FHIT: variants seen among roughly 807,000 people sequenced by gnomAD.
FHIT encodes fragile histidine triad diadenosine triphosphatase.
In FHIT, 19 loss-of-function variants were observed where a neutral mutation model predicts 17.9. That is an observed-to-expected ratio of 1.06 (90% CI 0.74 to 1.56). The LOEUF is 1.56. Among genes scored for constraint, FHIT ranks in the 40% most tolerant of loss-of-function variants. FHIT has a pLI of 0.00. For missense variants in FHIT, 248 were observed against 189.2 expected (o/e 1.31, Z -1.82); for synonymous variants, 81 against 69.7 (o/e 1.16, Z -0.81).
intron 7 of FHIT, among the ~76,000 whole-genome samples, chr3:59,947,654 G>T (rs1432258037): frequency 6.6e-6 from 1 of 152,090 alleles, no homozygotes; most frequent in Admixed American, 6.5e-5. Flanking sequence ...CCCTGGGGGG[G>T]CTGGTACCAG....
At chr3:60,823,041 A>T (rs1466738565) in intron 3 of FHIT, among the ~76,000 whole-genome samples, 1 of 152,188 alleles carries the variant, frequency 6.6e-6, no homozygotes, top group Non-Finnish European at 1.5e-5. Flanking sequence ...TGGTCAGCTC[A>T]ATGTAGTAAT....
At chr3:60,101,087 G>C (rs1704171370) in intron 5 of FHIT, among the ~76,000 whole-genome samples, 1 of 152,138 alleles carries the variant, frequency 6.6e-6, no homozygotes, top group Non-Finnish European at 1.5e-5. Context: ...CTGGGGAACA[G>C]GGCAGTATCT....
At chr3:60,510,051 T>G (rs1004550746) in intron 5 of FHIT, among the ~76,000 whole-genome samples, 2 of 152,330 alleles carry the variant, frequency 1.3e-5, no homozygotes, top group Middle Eastern at 6.8e-3. Flanking sequence ...TACTCTTATT[T>G]TGCCATCTTT....
At chr3:59,856,313 T>C (rs1022073018) in intron 8 of FHIT, among the ~76,000 whole-genome samples, 20 of 152,224 alleles carry the variant, frequency 1.3e-4, no homozygotes, top group African/African-American at 4.8e-5. Flanking sequence ...ATTAAGGTAA[T>C]TGTTAAAATT....
chr3:61,214,467 G>C (rs554947158), intron 1 of FHIT, among the ~76,000 whole-genome samples: 2 of 152,034 alleles, frequency 1.3e-5, no homozygotes, highest in Non-Finnish European at 2.9e-5. Flanking sequence ...GAAGAAGTTG[G>C]ATCTCTGAAT....
intron 3 of FHIT, among the ~76,000 whole-genome samples, chr3:61,037,492 G>A (rs942896253): frequency 1.3e-5 from 2 of 152,128 alleles, no homozygotes; most frequent in African/African-American, 4.8e-5. Flanking sequence ...TTAATTCCCA[G>A]CATATTAAAA....
At chr3:60,405,978 T>A (rs1701841774) in intron 5 of FHIT, among the ~76,000 whole-genome samples, 1 of 152,170 alleles carries the variant, frequency 6.6e-6, no homozygotes, top group African/African-American at 2.4e-5. Flanking sequence ...AGGCTTAAGA[T>A]AACAAATGTA....
chr3:60,626,204 G>A (rs2039281762), intron 4 of FHIT, among the ~76,000 whole-genome samples: 1 of 152,000 alleles, frequency 6.6e-6, no homozygotes, highest in African/African-American at 2.4e-5. Context: ...GCTATTCTCA[G>A]GATCCCTTGA....
At chr3:60,695,026 C>T (rs189375977) in intron 4 of FHIT, among the ~76,000 whole-genome samples, 2,116 of 152,008 alleles carry the variant, frequency 0.014, 25 homozygotes, top group Non-Finnish European at 0.019. Context: ...CAAACCTGCA[C>T]GTTGTGCACA....
chr3:60,155,373 G>A (rs1249550444), intron 5 of FHIT, among the ~76,000 whole-genome samples: 2 of 152,096 alleles, frequency 1.3e-5, no homozygotes, highest in African/African-American at 4.8e-5. Context: ...AGCAAAAACA[G>A]GACACTATTC....
At chr3:60,097,312 T>C (rs1364156759) in intron 5 of FHIT, among the ~76,000 whole-genome samples, 3 of 152,054 alleles carry the variant, frequency 2.0e-5, no homozygotes, top group African/African-American at 7.2e-5. Context: ...CCCTTGACCA[T>C]GATGGGTCTA....
chr3:60,355,655 G>A (rs555326730), intron 5 of FHIT, among the ~76,000 whole-genome samples: 2 of 152,248 alleles, frequency 1.3e-5, no homozygotes, highest in African/African-American at 4.8e-5. Context: ...ATCAGCAGCA[G>A]CTATCTACAA....
chr3:60,754,812 A>G (rs555905693), intron 4 of FHIT, among the ~76,000 whole-genome samples: 90 of 152,272 alleles, frequency 5.9e-4, no homozygotes, highest in African/African-American at 2.0e-3. Flanking sequence ...ATGAATTCAT[A>G]GAATTCATAA....
chr3:60,843,059 C>A lies in FHIT; in HGVS notation c.-110-21048G>T, dbSNP rs533515817. Among the ~76,000 whole-genome samples, 6 of 152,198 alleles carry A rather than the reference C, an allele frequency of 3.9e-5. No individual in the cohort carries two copies. In the South Asian group the frequency reaches 1.2e-3, roughly 32 times the overall value. Reference sequence around the variant, plus strand: ...TGTCCTGTGGTGAGGCATTCCACAGCAGGCTGTGCATCAGGTCTGTCTGCA... The same window carrying A: ...TGTCCTGTGGTGAGGCATTCCACAGAAGGCTGTGCATCAGGTCTGTCTGCA... On this transcript the variant is annotated intron_variant, in intron 3 of 9. Transcript: ENST00000492590.
intron 5 of FHIT, among the ~76,000 whole-genome samples, chr3:60,501,646 G>A (rs962154704): frequency 2.6e-5 from 4 of 152,098 alleles, no homozygotes; most frequent in Non-Finnish European, 2.9e-5. Context: ...GGCAGAGTCC[G>A]GAATCTCCAT....
At chr3:60,625,470 G>T (rs1396982465) in intron 4 of FHIT, among the ~76,000 whole-genome samples, 1 of 152,120 alleles carries the variant, frequency 6.6e-6, no homozygotes, top group African/African-American at 2.4e-5. Flanking sequence ...AGGTGATGTG[G>T]TATCTCACTA....
At chr3:60,949,301 G>C (rs1331737479) in intron 3 of FHIT, among the ~76,000 whole-genome samples, 1 of 152,150 alleles carries the variant, frequency 6.6e-6, no homozygotes, top group African/African-American at 2.4e-5. Context: ...TGCAATCTCT[G>C]CTTTTAGCTA....
chr3:59,878,758 A>C (rs377388567), intron 8 of FHIT, among the ~76,000 whole-genome samples: 4 of 152,318 alleles, frequency 2.6e-5, no homozygotes, highest in African/African-American at 9.6e-5. Context: ...GCGTTTAGAG[A>C]AGAACATTCA....
chr3:60,221,269 CG>C (rs1703946045), intron 5 of FHIT, among the ~76,000 whole-genome samples: 3 of 152,020 alleles, frequency 2.0e-5, no homozygotes, highest in South Asian at 2.1e-4. Flanking sequence ...GTTTTCAGAA[CG>C]TTTTTTTCCT....
Sources: allele counts gnomAD v4.1 joint callset (sites outside exome capture counted in the v4.1 genomes callset), GRCh38; gene constraint gnomAD v4.1.1; transcripts MANE v1.5; gene names NCBI Gene and HGNC (gene_info 2026-07-23, HGNC 2026-07-21).